ANKFN1: variants seen among roughly 807,000 people sequenced by gnomAD.
ANKFN1 encodes ankyrin repeat and fibronectin type III domain containing 1, also known as ankyrin repeat and fibronectin type-III domain-containing protein 1.
A neutral mutation model predicts 108.7 loss-of-function variants in ANKFN1; 74 were observed. The observed-to-expected ratio is 0.68, with a 90% CI of 0.56 to 0.83. ANKFN1 has a LOEUF of 0.83. Among genes scored for constraint, ANKFN1 ranks in the 40% least tolerant of loss-of-function variants. ANKFN1 has a pLI of 0.00. For synonymous variants in ANKFN1, 547 were observed against 516.2 expected (o/e 1.06, Z -0.81); for missense variants, 1,505 against 1,382.3 (o/e 1.09, Z -1.41).
chr17:56,484,815 C>T (rs975858855), intron 18 of ANKFN1, among the ~76,000 whole-genome samples: 1 of 152,196 alleles, frequency 6.6e-6, no homozygotes, highest in Non-Finnish European at 1.5e-5. Flanking sequence ...CATTGTTATT[C>T]CATGATTACA....
At chr17:56,374,538 G>T in intron 7 of ANKFN1, 63 bp from the exon 8 acceptor site, 1 of 1,203,372 alleles carries the variant, frequency 8.3e-7, no homozygotes, top group Non-Finnish European at 1.2e-6. Context: ...TTTGAAGAGG[G>T]AGGAACGTTG....
At chr17:56,303,011 G>C (rs1025864176) in intron 3 of ANKFN1, among the ~76,000 whole-genome samples, 1 of 152,222 alleles carries the variant, frequency 6.6e-6, no homozygotes, top group Non-Finnish European at 1.5e-5. Context: ...CACATTTAGT[G>C]ATGGATAATT....
chr17:56,090,388 G>A (rs9911002), intron 4 of ANKFN1, among the ~76,000 whole-genome samples: 1,908 of 151,280 alleles, frequency 0.013, 94 homozygotes, highest in African/African-American at 0.044. Context: ...ATTTGCTTCC[G>A]TACTGACTTA....
intron 8 of ANKFN1, among the ~76,000 whole-genome samples, chr17:56,409,675 T>A (rs2144984543): frequency 6.6e-6 from 1 of 152,326 alleles, no homozygotes; most frequent in South Asian, 2.1e-4. Flanking sequence ...CCCTTGTTCC[T>A]CCTGATTGAG....
intron 8 of ANKFN1, among the ~76,000 whole-genome samples, chr17:56,427,288 G>A (rs970256229): frequency 6.6e-6 from 1 of 152,156 alleles, no homozygotes; most frequent in African/African-American, 2.4e-5. Context: ...AGAACTGGGA[G>A]TGCTCAGAGT....
intron 19 of ANKFN1, among the ~76,000 whole-genome samples, chr17:56,493,022 C>G (rs889928672): frequency 5.9e-5 from 9 of 152,094 alleles, no homozygotes; most frequent in Admixed American, 1.3e-4. Flanking sequence ...ACTCAATTCA[C>G]AAAATGAGTA....
At chr17:56,346,182 G>A (rs569294090) in intron 4 of ANKFN1, among the ~76,000 whole-genome samples, 8 of 151,900 alleles carry the variant, frequency 5.3e-5, no homozygotes, top group Non-Finnish European at 1.0e-4. Context: ...CAGGTTTGTT[G>A]AAGATCAGAT....
intron 8 of ANKFN1, among the ~76,000 whole-genome samples, chr17:56,402,918 G>A (rs1305645208): frequency 1.3e-5 from 2 of 152,034 alleles, no homozygotes; most frequent in East Asian, 3.9e-4. Flanking sequence ...TTGTTGTTCA[G>A]TTCAAATAAT....
chr17:56,246,968 A>T lies in ANKFN1; in HGVS notation c.53+19011A>T, dbSNP rs146829522. Among the ~76,000 whole-genome samples, 90 of 152,294 alleles carry T rather than the reference A, an allele frequency of 5.9e-4. 1 individual carries two copies. Among genetic ancestry groups the T allele is most frequent in the East Asian group, 5.8e-3 (30 of 5,182 alleles). ...CTGTTTAATTTTTCTTTACCAGAAA[A>T]CACAGTTAACTAGCTTATGTCAAAA... On this transcript the variant is annotated intron_variant, in intron 3 of 20. Coordinates refer to ENST00000682825, the MANE Select transcript of ANKFN1 (RefSeq NM_001370326.1).
intron 4 of ANKFN1, among the ~76,000 whole-genome samples, chr17:56,088,758 T>C (rs112423164): frequency 3.3e-5 from 5 of 151,444 alleles, no homozygotes; most frequent in African/African-American, 9.7e-5. Context: ...TGGGATTTTC[T>C]GTAAGCTTTG....
In ANKFN1 at chr17:56,181,548, A is replaced by G. The variant is rs562700968; in HGVS notation, c.-71+28018A>G. 2.6e-5 allele frequency among the ~76,000 whole-genome samples: 4 copies of G among 152,344 alleles called. No homozygotes were observed. The East Asian group carries it at 7.7e-4, about 29-fold the overall frequency. On this transcript the variant is annotated intron_variant, in intron 1 of 20. Transcript: ENST00000682825. The stretch of plus-strand genomic sequence containing the variant: ...AGTGGGAGCACTACTAGTTAAGCTC[A>G]GGTAGGCTGGCTTTCGAGGATGAAT...
chr17:56,348,652 C>T lies in ANKFN1; in HGVS notation c.189-2114C>T, dbSNP rs115628582. Among the ~76,000 whole-genome samples, 1,508 of 152,138 alleles carry T rather than the reference C, an allele frequency of 9.9e-3. 17 individuals carry two copies. Among genetic ancestry groups the T allele is most frequent in the African/African-American group, 0.034 (1,397 of 41,512 alleles). On this transcript the variant is annotated intron_variant, in intron 4 of 20. Transcript: ENST00000682825. ...TGTGGCCAATAAACATGCAAAAAAG[C>T]TCAACATCACTGATCATTAGATAAA...
intron 4 of ANKFN1, among the ~76,000 whole-genome samples, chr17:56,136,883 A>G (rs1248727043): frequency 6.6e-6 from 1 of 152,250 alleles, no homozygotes; most frequent in Non-Finnish European, 1.5e-5. Flanking sequence ...ACTTCTGACC[A>G]GAATTCTTGC....
At chr17:56,410,266 G>A (rs1283927591) in intron 8 of ANKFN1, among the ~76,000 whole-genome samples, 2 of 151,930 alleles carry the variant, frequency 1.3e-5, no homozygotes, top group Non-Finnish European at 2.9e-5. Context: ...TGGTAGAGAT[G>A]GGGGTTTCAC....
intron 3 of ANKFN1, among the ~76,000 whole-genome samples, chr17:56,241,946 C>T (rs1917614339): frequency 2.0e-5 from 3 of 148,894 alleles, no homozygotes; most frequent in African/African-American, 7.3e-5. Flanking sequence ...AGGATTCATG[C>T]CAGGCTGGGA....
At chr17:56,096,623 G>T (rs1020722100) in intron 4 of ANKFN1, among the ~76,000 whole-genome samples, 2 of 152,206 alleles carry the variant, frequency 1.3e-5, no homozygotes, top group Non-Finnish European at 2.9e-5. Context: ...TGCTGGCGAG[G>T]TTGCAGAGAA....
At chr17:56,328,078 TAAA>T (rs1567916908) in intron 4 of ANKFN1, among the ~76,000 whole-genome samples, 2 of 152,140 alleles carry the variant, frequency 1.3e-5, no homozygotes, top group Non-Finnish European at 2.9e-5. Context: ...GTCATGTAAA[TAAA>T]AAGGATTTTA....
At chr17:56,482,606 C>T (rs2050747685) in intron 18 of ANKFN1, 82 bp downstream of exon 18, 8 of 1,483,308 alleles carry the variant, frequency 5.4e-6, no homozygotes, top group Non-Finnish European at 7.3e-6. Flanking sequence ...TCCCCCTTGT[C>T]CCAGTGGAGG....
chr17:56,442,926 T>A lies in ANKFN1; in HGVS notation c.1092T>A (p.Ser364=). The A allele has an allele frequency of 6.2e-7, 1 of 1,613,668 alleles. No homozygotes were observed. The highest frequency in any genetic ancestry group is 8.5e-7 in the Non-Finnish European group (1 of 1,179,692). ...AGACCACGACACCGGCATGTGCCTC[T>A]CCTTCTAGTAGGTGGTGGCTGTGAA... ...PAQTTTPACA[S]PSNWKDYDDR... Residue 364 remains serine (S), a synonymous_variant, in exon 10 of 21, where the codon TCT becomes TCA. Coordinates refer to ENST00000682825, the MANE Select transcript of ANKFN1 (RefSeq NM_001370326.1).
Sources: allele counts gnomAD v4.1 joint callset (sites outside exome capture counted in the v4.1 genomes callset), GRCh38; gene constraint gnomAD v4.1.1; transcripts MANE v1.5; gene names NCBI Gene and HGNC (gene_info 2026-07-23, HGNC 2026-07-21).